CDKN3: variants seen among roughly 807,000 people sequenced by gnomAD.
CDKN3 encodes the protein cyclin-dependent kinase inhibitor 3.
Under a neutral mutation model 36.1 loss-of-function variants are expected in CDKN3, and 19 were observed. The ratio of observed to expected loss-of-function variants is 0.53; its 90% CI spans 0.37 to 0.77. CDKN3 has a LOEUF of 0.77. Ranked by LOEUF, CDKN3 falls within the 30% of genes least tolerant of loss-of-function variation. The probability of loss-of-function intolerance (pLI) is 0.00; values close to 1 mark genes in which losing one functional copy is unlikely to be tolerated. For missense variants in CDKN3, 188 were observed against 248.6 expected (o/e 0.76, Z 1.64); for synonymous variants, 71 against 85.3 (o/e 0.83, Z 0.92).
intron 4 of CDKN3, among the ~76,000 whole-genome samples, chr14:54,409,650 A>T (rs924906755): frequency 6.6e-6 from 1 of 152,006 alleles, no homozygotes; most frequent in Non-Finnish European, 1.5e-5. Context: ...CTGGGCAACA[A>T]GGCAAAACCC....
At chr14:54,408,616 C>A in intron 3 of CDKN3, 129 bp from the exon 4 acceptor site, 2 of 1,014,402 alleles carry the variant, frequency 2.0e-6, no homozygotes, top group Non-Finnish European at 1.4e-6. Context: ...AATTCATATT[C>A]AAAATATAAT....
At chr14:54,413,797 T>C (rs1244895197) in intron 5 of CDKN3, 2 of 1,429,278 alleles carry the variant, frequency 1.4e-6, no homozygotes, top group African/African-American at 2.9e-5. Context: ...TTTATAAAAT[T>C]AGTGAACAAC....
chr14:54,398,987 C>CTTT (rs113342693), intron 1 of CDKN3, among the ~76,000 whole-genome samples: 7,075 of 108,936 alleles, frequency 0.065, 643 homozygotes, highest in East Asian at 0.28. Flanking sequence ...TTTCTTCTTC[C>CTTT]TTTTTTTTTT....
At chr14:54,413,368 T>C (rs1452605789) in intron 5 of CDKN3, among the ~76,000 whole-genome samples, 1 of 152,026 alleles carries the variant, frequency 6.6e-6, no homozygotes, top group Non-Finnish European at 1.5e-5. Context: ...TTTTTTTTTT[T>C]TCAAATAAAT....
At chr14:54,400,246 CTT>C (rs5808774) in intron 2 of CDKN3, among the ~76,000 whole-genome samples, 7 of 114,482 alleles carry the variant, frequency 6.1e-5, no homozygotes, top group Admixed American at 8.2e-5. Context: ...TTATAAGACC[CTT>C]TTTTTTTTTT....
intron 6 of CDKN3, among the ~76,000 whole-genome samples, chr14:54,416,271 G>T (rs1594609250): frequency 6.6e-6 from 1 of 152,090 alleles, no homozygotes; most frequent in South Asian, 2.1e-4. Context: ...GAATACCAAA[G>T]TTAATTACTA....
chr14:54,400,669 T>C (rs1206510255), intron 2 of CDKN3, among the ~76,000 whole-genome samples: 1 of 152,152 alleles, frequency 6.6e-6, no homozygotes, highest in East Asian at 1.9e-4. Flanking sequence ...AAGAGTGTCC[T>C]AAAGGTCTTT....
intron 7 of CDKN3, 54 bp from the exon 8 acceptor site, chr14:54,419,936 CCA>C: frequency 1.1e-6 from 1 of 951,718 alleles, no homozygotes; most frequent in Non-Finnish European, 1.7e-6. Context: ...AATATTGTGC[CCA>C]CACTGATAAC....
At chr14:54,413,813 T>C in intron 5 of CDKN3, 2 of 1,419,918 alleles carry the variant, frequency 1.4e-6, no homozygotes. Flanking sequence ...ACAACACTGC[T>C]TGCCTACTGT....
chr14:54,406,946 T>C (rs1293277353), intron 3 of CDKN3, among the ~76,000 whole-genome samples: 1 of 152,138 alleles, frequency 6.6e-6, no homozygotes, highest in Non-Finnish European at 1.5e-5. Flanking sequence ...TTTTCAGCCT[T>C]TTTGCTCTGG....
At chr14:54,413,466 G>A in intron 5 of CDKN3, 1 of 601,996 alleles carries the variant, frequency 1.7e-6, no homozygotes, top group South Asian at 2.2e-5. Context: ...TACTGTAGCT[G>A]GTTCTGGCAA....
intron 7 of CDKN3, among the ~76,000 whole-genome samples, chr14:54,419,510 TA>T (rs1384851902): frequency 6.6e-6 from 1 of 152,210 alleles, no homozygotes; most frequent in Non-Finnish European, 1.5e-5. Context: ...AGTTTGTTTT[TA>T]AAAAATATTG....
chr14:54,405,439 G>T (rs1360354554), intron 3 of CDKN3, among the ~76,000 whole-genome samples: 1 of 152,112 alleles, frequency 6.6e-6, no homozygotes, highest in Non-Finnish European at 1.5e-5. Flanking sequence ...TGACAGTGGG[G>T]TGTTAAAGTC....
intron 7 of CDKN3, among the ~76,000 whole-genome samples, chr14:54,419,773 CCTT>C (rs2030666997): frequency 6.6e-6 from 1 of 152,148 alleles, no homozygotes; most frequent in African/African-American, 2.4e-5. Context: ...TTTCATTTCA[CCTT>C]CTGATTTTTA....
chr14:54,402,821 G>A (rs2030007358), intron 3 of CDKN3, among the ~76,000 whole-genome samples: 1 of 152,138 alleles, frequency 6.6e-6, no homozygotes. Context: ...TTTCCTAATT[G>A]CTTGTTTTTG....
chr14:54,402,155 G>A (rs111316963), intron 3 of CDKN3, among the ~76,000 whole-genome samples: 97 of 149,968 alleles, frequency 6.5e-4, no homozygotes, highest in African/African-American at 2.2e-3. Flanking sequence ...GCAGTGAGCC[G>A]AGATCGCACC....
At chr14:54,409,414 C>T (rs563489570) in intron 4 of CDKN3, among the ~76,000 whole-genome samples, 4 of 152,224 alleles carry the variant, frequency 2.6e-5, no homozygotes, top group African/African-American at 4.8e-5. Context: ...CTAGTCCTAC[C>T]GATATCCTTA....
chr14:54,402,773 G>A (rs1594600064), intron 3 of CDKN3, among the ~76,000 whole-genome samples: 1 of 152,184 alleles, frequency 6.6e-6, no homozygotes, highest in African/African-American at 2.4e-5. Flanking sequence ...CATATGGCTA[G>A]CCAGTTTTCC....
chr14:54,402,171 A>G (rs1304737168), intron 3 of CDKN3, among the ~76,000 whole-genome samples: 5 of 149,624 alleles, frequency 3.3e-5, no homozygotes, highest in African/African-American at 1.2e-4. Context: ...GCACCACTGC[A>G]CTCCAGCCTG....
Sources: allele counts gnomAD v4.1 joint callset (sites outside exome capture counted in the v4.1 genomes callset), GRCh38; gene constraint gnomAD v4.1.1; transcripts MANE v1.5; gene names NCBI Gene and HGNC (gene_info 2026-07-23, HGNC 2026-07-21).